POU6F2: variants seen among roughly 807,000 people sequenced by gnomAD.
POU6F2 encodes the protein POU domain, class 6, transcription factor 2.
In POU6F2, 31 loss-of-function variants were observed where a neutral mutation model predicts 71.3. The observed-to-expected ratio is 0.43, with a 90% CI of 0.33 to 0.59. POU6F2 has a LOEUF of 0.59. Among genes scored for constraint, POU6F2 ranks in the 20% least tolerant of loss-of-function variants. The pLI is 0.04. For synonymous variants in POU6F2, 347 were observed against 355.7 expected (o/e 0.98, Z 0.27); for missense variants, 783 against 856.8 (o/e 0.91, Z 1.07).
chr7:39,170,230 A>G (rs899565145), intron 2 of POU6F2, among the ~76,000 whole-genome samples: 2 of 152,310 alleles, frequency 1.3e-5, no homozygotes, highest in East Asian at 1.9e-4. Context: ...ACATATTTCT[A>G]TTGCTTACTA....
chr7:39,299,733 T>A (rs957593908), intron 4 of POU6F2, among the ~76,000 whole-genome samples: 4 of 152,230 alleles, frequency 2.6e-5, no homozygotes, highest in Non-Finnish European at 4.4e-5. Context: ...TTTTGCTGTT[T>A]CTGCACGTGG....
At chr7:39,454,527 A>T (rs1291624911) in intron 8 of POU6F2, among the ~76,000 whole-genome samples, 1 of 150,800 alleles carries the variant, frequency 6.6e-6, no homozygotes, top group African/African-American at 2.4e-5. Context: ...AGGATTTAGG[A>T]ACTCTGTGTC....
intron 4 of POU6F2, among the ~76,000 whole-genome samples, chr7:39,318,265 T>A (rs1419286743): frequency 6.6e-6 from 1 of 152,128 alleles, no homozygotes; most frequent in Admixed American, 6.5e-5. Flanking sequence ...TACTCACGGT[T>A]GGACCAAGGA....
intron 5 of POU6F2, among the ~76,000 whole-genome samples, chr7:39,401,346 T>C (rs1787299010): frequency 6.6e-6 from 1 of 152,178 alleles, no homozygotes; most frequent in Non-Finnish European, 1.5e-5. Context: ...CAGCAAATCC[T>C]GGCTCAATAC....
chr7:39,407,145 T>C (rs919006451), intron 6 of POU6F2, among the ~76,000 whole-genome samples: 5 of 152,090 alleles, frequency 3.3e-5, no homozygotes. Flanking sequence ...TTTCCTTCCA[T>C]AATTGCTGTG....
rs11318695 is a variant in POU6F2, at chr7:39,105,434, GTT to G, written c.277+19414_277+19415del. ...GTTTTAGAATTTTTTTTAACCTCAG[GTT>G]TTTTTTTTTTCCTGGTTTTATCTAA... On this transcript the variant is annotated intron_variant, in intron 2 of 9. Transcript: ENST00000518318. 2.8e-3 allele frequency among the ~76,000 whole-genome samples: 409 copies of G among 145,928 alleles called. 2 individuals carry two copies. Among genetic ancestry groups the G allele is most frequent in the Non-Finnish European group, 4.7e-3 (309 of 66,146 alleles).
At chr7:39,072,197 A>G (rs1370666623) in intron 1 of POU6F2, among the ~76,000 whole-genome samples, 2 of 152,222 alleles carry the variant, frequency 1.3e-5, no homozygotes, top group Admixed American at 6.5e-5. Context: ...CTGTGGAGTT[A>G]TAGTGCAGAA....
chr7:39,040,091 T>A (rs1454439306), intron 1 of POU6F2, among the ~76,000 whole-genome samples: 1 of 26,098 alleles, frequency 3.8e-5, no homozygotes, highest in Non-Finnish European at 7.4e-5. Context: ...TATATATGTA[T>A]TATATATATG....
At chr7:39,096,269 T>G (rs918264336) in intron 2 of POU6F2, among the ~76,000 whole-genome samples, 8 of 152,338 alleles carry the variant, frequency 5.3e-5, no homozygotes, top group Admixed American at 2.6e-4. Flanking sequence ...CCATATTTAT[T>G]GTCAGGAGAA....
chr7:39,062,774 G>T (rs1166765924), intron 1 of POU6F2, among the ~76,000 whole-genome samples: 1 of 151,226 alleles, frequency 6.6e-6, no homozygotes, highest in Non-Finnish European at 1.5e-5. Flanking sequence ...CTGGGGGGCT[G>T]GGTTCATTGA....
chr7:39,399,667 A>G (rs546411574), intron 5 of POU6F2, among the ~76,000 whole-genome samples: 10 of 152,240 alleles, frequency 6.6e-5, no homozygotes, highest in Non-Finnish European at 1.2e-4. Context: ...CAGACTGGGC[A>G]ATGCAGCAAG....
chr7:39,104,801 G>C (rs968454557), intron 2 of POU6F2, among the ~76,000 whole-genome samples: 5 of 152,130 alleles, frequency 3.3e-5, no homozygotes, highest in African/African-American at 1.2e-4. Flanking sequence ...TTTCTTTTCT[G>C]TCTCATAAAC....
chr7:39,268,217 G>A (rs1362608644), intron 4 of POU6F2, among the ~76,000 whole-genome samples: 1 of 152,154 alleles, frequency 6.6e-6, no homozygotes, highest in Admixed American at 6.5e-5. Flanking sequence ...CTGCTGTAAA[G>A]TCCATCAAAG....
At chr7:39,304,429 A>G (rs1385439408) in intron 4 of POU6F2, among the ~76,000 whole-genome samples, 2 of 152,190 alleles carry the variant, frequency 1.3e-5, no homozygotes, top group Non-Finnish European at 2.9e-5. Flanking sequence ...ACTAACTCCT[A>G]TCAAACCTCT....
rs150183573 is a variant in POU6F2 at position 39,137,607 on chromosome 7, A to G, written c.277+51576A>G. ...TAGTTAAAGAGCTTTCAACTTTTCA[A>G]AAATTTTAATTGGTTGTCACAAAAA... is the stretch of plus-strand genomic sequence containing the variant. On this transcript the variant is annotated intron_variant, in intron 2 of 9. Coordinates refer to ENST00000518318, the MANE Select transcript of POU6F2 (RefSeq NM_001370959.1). Among the ~76,000 whole-genome samples the G allele has an allele frequency of 2.4e-3, 362 of 152,328 alleles. 2 individuals are homozygous for G. The highest frequency in any genetic ancestry group is 8.3e-3 in the African/African-American group (346 of 41,572).
At chr7:39,174,234 A>C (rs1163068565) in intron 2 of POU6F2, among the ~76,000 whole-genome samples, 4 of 152,024 alleles carry the variant, frequency 2.6e-5, no homozygotes, top group Non-Finnish European at 5.9e-5. Flanking sequence ...TGCTGTATGA[A>C]AGGCAAATGC....
At chr7:39,155,006 A>G (rs1190298009) in intron 2 of POU6F2, among the ~76,000 whole-genome samples, 1 of 152,132 alleles carries the variant, frequency 6.6e-6, no homozygotes, top group African/African-American at 2.4e-5. Context: ...GTGGAATAAA[A>G]TGATCCCGGT....
chr7:39,444,158 C>A (rs1399735707), intron 7 of POU6F2, among the ~76,000 whole-genome samples: 1 of 151,820 alleles, frequency 6.6e-6, no homozygotes, highest in East Asian at 1.9e-4. Context: ...GAAGAACATG[C>A]AAAGTTATCA....
intron 2 of POU6F2, among the ~76,000 whole-genome samples, chr7:39,139,009 C>T (rs1477047750): frequency 6.6e-6 from 1 of 152,112 alleles, no homozygotes; most frequent in Non-Finnish European, 1.5e-5. Flanking sequence ...TGTGCAGTCG[C>T]TTGGCTTGTG....
Sources: allele counts gnomAD v4.1 joint callset (sites outside exome capture counted in the v4.1 genomes callset), GRCh38; gene constraint gnomAD v4.1.1; transcripts MANE v1.5; gene names NCBI Gene and HGNC (gene_info 2026-07-23, HGNC 2026-07-21).